Variants in GAS2 observed in about 807,000 individuals in gnomAD.
The protein encoded by GAS2 is growth arrest specific 2.
In GAS2, 20 loss-of-function variants were observed where a neutral mutation model predicts 37.5. The observed-to-expected ratio is 0.53, with a 90% CI of 0.37 to 0.77. GAS2 has a LOEUF of 0.77. Ranked by LOEUF, GAS2 falls within the 30% of genes least tolerant of loss-of-function variation. The pLI, the probability that GAS2 is intolerant of heterozygous loss-of-function variation, is 0.00. For synonymous variants in GAS2, 144 were observed against 132.2 expected, an observed-to-expected ratio of 1.09 and a Z score of -0.61; for missense variants, 336 against 373.4, an observed-to-expected ratio of 0.90 and a Z score of 0.82.
intron 7 of GAS2, among the ~76,000 whole-genome samples, chr11:22,809,472 T>C (rs374161049): frequency 6.6e-6 from 1 of 151,886 alleles, no homozygotes; most frequent in African/African-American, 2.4e-5. Flanking sequence ...TCAATTTCCA[T>C]ATTTATTTAT....
intron 1 of GAS2, among the ~76,000 whole-genome samples, chr11:22,672,036 G>T (rs568310992): frequency 6.6e-6 from 1 of 152,126 alleles, no homozygotes; most frequent in Non-Finnish European, 1.5e-5. Flanking sequence ...ATTCTTTTAA[G>T]AAGGGGCTTA....
At chr11:22,748,320 A>G (rs1853527724) in intron 5 of GAS2, among the ~76,000 whole-genome samples, 1 of 151,980 alleles carries the variant, frequency 6.6e-6, no homozygotes, top group South Asian at 2.1e-4. Flanking sequence ...ACAACTCTCA[A>G]ATTCTAGAAT....
chr11:22,694,918 T>C (rs1460688264), intron 3 of GAS2, among the ~76,000 whole-genome samples: 1 of 152,178 alleles, frequency 6.6e-6, no homozygotes, highest in Non-Finnish European at 1.5e-5. Context: ...GCTTTGTAAC[T>C]AGTTAGCCAG....
chr11:22,646,300 AAG>A (rs1187090137), intron 1 of GAS2, among the ~76,000 whole-genome samples: 2 of 152,212 alleles, frequency 1.3e-5, no homozygotes, highest in Admixed American at 6.5e-5. Flanking sequence ...TAGTTAAAAA[AAG>A]GAGGTTAATT....
intron 1 of GAS2, among the ~76,000 whole-genome samples, chr11:22,644,290 C>T (rs1375459006): frequency 6.6e-6 from 1 of 151,984 alleles, no homozygotes; most frequent in Non-Finnish European, 1.5e-5. Context: ...CCCAGAGCTC[C>T]CTAGCATTCA....
intron 1 of GAS2, among the ~76,000 whole-genome samples, chr11:22,669,371 T>A (rs529241208): frequency 1.1e-4 from 17 of 152,188 alleles, no homozygotes; most frequent in Non-Finnish European, 2.4e-4. Flanking sequence ...GGAAGGATGT[T>A]TTAGTATGAT....
intron 1 of GAS2, among the ~76,000 whole-genome samples, chr11:22,659,488 G>C (rs1471259868): frequency 6.6e-6 from 1 of 152,076 alleles, no homozygotes; most frequent in Non-Finnish European, 1.5e-5. Flanking sequence ...TTCTGTGTAG[G>C]ATTTGAAACC....
chr11:22,630,711 A>G (rs543084495), intron 1 of GAS2, among the ~76,000 whole-genome samples: 40 of 152,308 alleles, frequency 2.6e-4, no homozygotes, highest in Non-Finnish European at 3.7e-4. Context: ...CCATTGGTCT[A>G]TATATCTACT....
chr11:22,694,012 G>A (rs1380062617), intron 3 of GAS2, among the ~76,000 whole-genome samples: 2 of 152,180 alleles, frequency 1.3e-5, no homozygotes, highest in African/African-American at 4.8e-5. Flanking sequence ...GTGTCTTTCA[G>A]AGGGTAGCGG....
chr11:22,807,890 T>C (rs76008952), intron 7 of GAS2, among the ~76,000 whole-genome samples: 21,345 of 152,108 alleles, frequency 0.14, 1,581 homozygotes, highest in African/African-American at 0.15. Context: ...ATGGTGCAGA[T>C]GTGATGATCT....
chr11:22,703,621 T>A (rs1201885113), intron 3 of GAS2, among the ~76,000 whole-genome samples: 2 of 152,190 alleles, frequency 1.3e-5, no homozygotes, highest in African/African-American at 4.8e-5. Context: ...ATTTAAAATG[T>A]AAGCACTCAC....
At position 22,812,096 on chromosome 11, in the gene GAS2, C is replaced by G. The variant is rs1303777426; in HGVS notation, c.*80C>G. On this transcript the variant is annotated 3_prime_UTR_variant, in exon 8 of 8. Transcript: ENST00000454584. The stretch of plus-strand genomic sequence containing the variant: ...GTATAGTCAGTTTAGTTCATATGTT[C>G]TGAAAACTGTTTTGGAGAAAGATAG... The G allele has an allele frequency of 9.7e-7, 1 of 1,027,304 alleles. No homozygotes were observed. Among genetic ancestry groups the G allele is most frequent in the Non-Finnish European group, 1.5e-6 (1 of 673,772 alleles). The allele number at this position is 1,027,304 out of a possible 1,614,324, so 63.6% of individuals were successfully genotyped here.
chr11:22,787,258 C>G (rs901295271), intron 7 of GAS2, among the ~76,000 whole-genome samples: 1 of 152,114 alleles, frequency 6.6e-6, no homozygotes, highest in African/African-American at 2.4e-5. Context: ...GGACAGGTTG[C>G]TCAATCTCTC....
intron 7 of GAS2, among the ~76,000 whole-genome samples, chr11:22,764,228 C>G (rs1326020329): frequency 6.6e-6 from 1 of 151,788 alleles, no homozygotes; most frequent in African/African-American, 2.4e-5. Context: ...AGAATTGCAC[C>G]CTGAAACTAC....
At chr11:22,770,373 A>T (rs1454613592) in intron 7 of GAS2, among the ~76,000 whole-genome samples, 1 of 152,232 alleles carries the variant, frequency 6.6e-6, no homozygotes, top group Non-Finnish European at 1.5e-5. Flanking sequence ...ATACAGTGGT[A>T]GGGCCTAGAC....
intron 2 of GAS2, among the ~76,000 whole-genome samples, chr11:22,680,343 A>T (rs560645604): frequency 6.6e-6 from 1 of 152,260 alleles, no homozygotes; most frequent in South Asian, 2.1e-4. Context: ...AATGCAGGGT[A>T]GACACTTGAA....
intron 7 of GAS2, among the ~76,000 whole-genome samples, chr11:22,799,959 A>G (rs540812970): frequency 6.6e-6 from 1 of 152,178 alleles, no homozygotes; most frequent in East Asian, 1.9e-4. Context: ...TCACCTAGTG[A>G]ATGGGGAACA....
chr11:22,775,440 G>A (rs1011598991), intron 7 of GAS2, among the ~76,000 whole-genome samples: 1 of 152,074 alleles, frequency 6.6e-6, no homozygotes, highest in Non-Finnish European at 1.5e-5. Context: ...TCCTGCAAAC[G>A]ATAACAGAAA....
intron 2 of GAS2, among the ~76,000 whole-genome samples, chr11:22,676,743 AT>A (rs1374594597): frequency 6.7e-6 from 1 of 149,424 alleles, no homozygotes; most frequent in Non-Finnish European, 1.5e-5. Context: ...TTCAACAAAC[AT>A]TTGAGTGTGA....
Sources: gnomAD v4.1 joint callset for allele counts (sites outside exome capture counted in the v4.1 genomes callset) on GRCh38, gnomAD v4.1.1 for gene constraint, MANE v1.5 for transcripts, NCBI Gene and HGNC (gene_info 2026-07-23, HGNC 2026-07-21) for gene names.